The following ZBTB20 variants were observed in gnomAD, a reference collection of about 807,000 sequenced individuals.
The protein encoded by ZBTB20 is zinc finger and BTB domain containing 20.
Under a neutral mutation model 56.9 loss-of-function variants are expected in ZBTB20, and 9 were observed. The observed-to-expected ratio is 0.16, with a 90% confidence interval of 0.10 to 0.28. The LOEUF (loss-of-function observed/expected upper bound fraction) is 0.28. Among genes scored for constraint, ZBTB20 ranks in the 10% least tolerant of loss-of-function variants. The pLI is 1.00. For missense variants in ZBTB20, 655 were observed against 1,003.0 expected (o/e 0.65, Z 4.69); for synonymous variants, 417 against 420.7 (o/e 0.99, Z 0.11).
intron 6 of ZBTB20, among the ~76,000 whole-genome samples, chr3:114,610,460 G>T (rs2057466851): frequency 6.6e-6 from 1 of 152,176 alleles, no homozygotes; most frequent in Non-Finnish European, 1.5e-5. Flanking sequence ...TTCTCTAAAT[G>T]GTGCTACTCT....
At chr3:114,493,767 A>G (rs888882648) in intron 7 of ZBTB20, among the ~76,000 whole-genome samples, 4 of 152,184 alleles carry the variant, frequency 2.6e-5, no homozygotes, top group Non-Finnish European at 5.9e-5. Flanking sequence ...TGGTACTTTT[A>G]TTATATAGTG....
At chr3:114,920,319 A>C (rs1008258305) in intron 3 of ZBTB20, among the ~76,000 whole-genome samples, 1 of 152,208 alleles carries the variant, frequency 6.6e-6, no homozygotes, top group Non-Finnish European at 1.5e-5. Context: ...CAGCAGTAGA[A>C]TATACATTTT....
At chr3:115,003,760 CA>C (rs2079352778) in intron 2 of ZBTB20, among the ~76,000 whole-genome samples, 1 of 151,490 alleles carries the variant, frequency 6.6e-6, no homozygotes, top group South Asian at 2.1e-4. Flanking sequence ...TCATTTTTTT[CA>C]ATATTACCTG....
At chr3:114,865,006 C>T (rs1215749582) in intron 4 of ZBTB20, among the ~76,000 whole-genome samples, 1 of 152,052 alleles carries the variant, frequency 6.6e-6, no homozygotes, top group African/African-American at 2.4e-5. Flanking sequence ...GAGTTTTCCT[C>T]CCATAAGCAA....
At chr3:114,437,371 A>G (rs550065510) in intron 7 of ZBTB20, among the ~76,000 whole-genome samples, 2 of 152,278 alleles carry the variant, frequency 1.3e-5, no homozygotes, top group Non-Finnish European at 2.9e-5. Context: ...GGTTGAGGTG[A>G]GAGTAGCTTA....
At chr3:114,774,100 C>A (rs745860908) in intron 5 of ZBTB20, among the ~76,000 whole-genome samples, 4 of 152,142 alleles carry the variant, frequency 2.6e-5, no homozygotes, top group Non-Finnish European at 5.9e-5. Context: ...TGAGGTATAA[C>A]TACCAACAAC....
chr3:114,550,781 C>T (rs1192009722), intron 6 of ZBTB20, among the ~76,000 whole-genome samples: 1 of 152,144 alleles, frequency 6.6e-6, no homozygotes, highest in Non-Finnish European at 1.5e-5. Flanking sequence ...GACAGGGTCT[C>T]ACTCTGTCAC....
intron 6 of ZBTB20, among the ~76,000 whole-genome samples, chr3:114,561,148 C>T (rs1013496897): frequency 2.0e-5 from 3 of 152,158 alleles, no homozygotes; most frequent in South Asian, 2.1e-4. Flanking sequence ...GGCTTCACTT[C>T]TAATTCTAGT....
At chr3:114,561,349 T>G (rs1320083137) in intron 6 of ZBTB20, among the ~76,000 whole-genome samples, 1 of 152,222 alleles carries the variant, frequency 6.6e-6, no homozygotes, top group Non-Finnish European at 1.5e-5. Context: ...CAGAAGGTTT[T>G]CAATTTACTT....
chr3:114,684,379 G>T (rs1277710148), intron 6 of ZBTB20, among the ~76,000 whole-genome samples: 3 of 152,146 alleles, frequency 2.0e-5, no homozygotes, highest in African/African-American at 7.2e-5. Context: ...AAGATTTGTG[G>T]TGTTGTTTTT....
chr3:114,746,633 C>T (rs1284369389), intron 5 of ZBTB20, among the ~76,000 whole-genome samples: 2 of 152,208 alleles, frequency 1.3e-5, no homozygotes, highest in African/African-American at 2.4e-5. Context: ...GGTTGTTCCT[C>T]ACTGTTCAAA....
intron 5 of ZBTB20, among the ~76,000 whole-genome samples, chr3:114,748,440 A>C (rs1421032520): frequency 2.7e-5 from 4 of 145,778 alleles, no homozygotes; most frequent in Non-Finnish European, 4.5e-5. Context: ...CTTTCTTTCT[A>C]GCTAAAATTT....
intron 7 of ZBTB20, among the ~76,000 whole-genome samples, chr3:114,446,014 A>G (rs2091248073): frequency 6.6e-6 from 1 of 152,106 alleles, no homozygotes; most frequent in Non-Finnish European, 1.5e-5. Flanking sequence ...CACTGCGACA[A>G]TCTATATATT....
chr3:114,842,744 T>C (rs1340940398), intron 4 of ZBTB20, among the ~76,000 whole-genome samples: 1 of 152,186 alleles, frequency 6.6e-6, no homozygotes, highest in Non-Finnish European at 1.5e-5. Flanking sequence ...TTTAGAAAAT[T>C]GTAATGGAAA....
chr3:114,831,348 C>T (rs565264781), intron 4 of ZBTB20, among the ~76,000 whole-genome samples: 31 of 151,840 alleles, frequency 2.0e-4, no homozygotes, highest in South Asian at 1.7e-3. Flanking sequence ...ATTAATGGCT[C>T]GATTTCCTTG....
At chr3:114,982,621 T>C (rs574225971) in intron 2 of ZBTB20, among the ~76,000 whole-genome samples, 2 of 152,110 alleles carry the variant, frequency 1.3e-5, no homozygotes, top group East Asian at 1.9e-4. Flanking sequence ...CTAAAATAAA[T>C]GCAAACAGGC....
At chr3:115,070,447 G>T (rs1359246099) in intron 2 of ZBTB20, among the ~76,000 whole-genome samples, 1 of 152,066 alleles carries the variant, frequency 6.6e-6, no homozygotes, top group Non-Finnish European at 1.5e-5. Context: ...GTAAACAGAT[G>T]AACAGAAACA....
At position 114,327,664 on chromosome 3, in the gene ZBTB20, T is replaced by C. The variant is rs544462629; in HGVS notation, c.*11341A>G. On this transcript the variant is annotated 3_prime_UTR_variant, in exon 12 of 12. Coordinates refer to ENST00000675478, the MANE Select transcript of ZBTB20 (RefSeq NM_001348800.3). ...GAGTTGATGTTATAAACTGGTTTGA[T>C]TAAGATAAAAGCTGGGTCAAATCTC... is the stretch of plus-strand genomic sequence containing the variant. The C allele has an allele frequency of 1.3e-5, 2 of 152,332 alleles. No homozygotes were observed. Among genetic ancestry groups the C allele is most frequent in the South Asian group, 2.1e-4 (1 of 4,824 alleles). 9.4% of individuals were successfully genotyped at this position (152,332 alleles called of 1,614,324 possible).
intron 2 of ZBTB20, among the ~76,000 whole-genome samples, chr3:115,045,785 C>A (rs1426377828): frequency 2.0e-5 from 3 of 152,114 alleles, no homozygotes; most frequent in Non-Finnish European, 2.9e-5. Flanking sequence ...CTGACATATT[C>A]TTTCCCTAAA....
Sources: allele counts gnomAD v4.1 joint callset (sites outside exome capture counted in the v4.1 genomes callset), GRCh38; gene constraint gnomAD v4.1.1; transcripts MANE v1.5; gene names NCBI Gene and HGNC (gene_info 2026-07-23, HGNC 2026-07-21).